The following OTUD7B variants were observed in gnomAD, a reference collection of about 807,000 sequenced individuals.
OTUD7B encodes OTU domain-containing protein 7B.
A neutral mutation model predicts 82.2 loss-of-function variants in OTUD7B; 34 were observed. The observed-to-expected ratio is 0.41, with a 90% CI of 0.31 to 0.55. OTUD7B has a LOEUF of 0.55. Among genes scored for constraint, OTUD7B ranks in the 20% least tolerant of loss-of-function variants. OTUD7B has a pLI of 0.20. For synonymous variants in OTUD7B, 398 were observed against 402.7 expected (o/e 0.99, Z 0.14); for missense variants, 944 against 1,062.1 (o/e 0.89, Z 1.55).
At chr1:149,947,991 AT>A (rs1394106399) in intron 10 of OTUD7B, among the ~76,000 whole-genome samples, 1 of 152,016 alleles carries the variant, frequency 6.6e-6, no homozygotes, top group Non-Finnish European at 1.5e-5. Context: ...TTATTTATTT[AT>A]TTTTTGGATG....
intron 6 of OTUD7B, chr1:149,961,494 C>G (rs1649158241): frequency 6.6e-6 from 1 of 152,422 alleles, no homozygotes; most frequent in Non-Finnish European, 1.5e-5. Flanking sequence ...GTAGCTGGGA[C>G]TACACGTGCA....
the OTUD7B span, among the ~76,000 whole-genome samples, chr1:150,038,745 G>A: frequency 1.3e-5 from 2 of 151,970 alleles, no homozygotes; most frequent in East Asian, 3.8e-4. Context: ...TAAAATTATG[G>A]CACTTCATGA....
intron 3 of OTUD7B, among the ~76,000 whole-genome samples, chr1:149,968,674 C>G (rs1335568946): frequency 6.6e-6 from 1 of 152,128 alleles, no homozygotes; most frequent in Non-Finnish European, 1.5e-5. Flanking sequence ...CTAAAGTTAT[C>G]TTATAGTGAT....
rs1553776874 is a variant in OTUD7B at position 149,967,472 on chromosome 1, G to T, written c.324C>A (p.Ser108=). The part of the protein sequence containing the change: ...GISHASSSIV[S]LARSHVSSNG... ...TGGAGGAGACATGGGACCGGGCCAG[G>T]GAAACAATGCTGGAGCTGGCGTGGG... Residue 108 remains serine (S), a synonymous_variant, in exon 4 of 12, where the codon TCC becomes TCA. Coordinates refer to ENST00000581312, the MANE Select transcript of OTUD7B (RefSeq NM_020205.4). 1 of 1,613,714 alleles carries T rather than the reference G, an allele frequency of 6.2e-7. No individual in the cohort carries two copies. Among genetic ancestry groups the T allele is most frequent in the Admixed American group, 1.7e-5 (1 of 59,970 alleles).
the OTUD7B span, among the ~76,000 whole-genome samples, chr1:150,016,456 T>C: frequency 1.4e-5 from 2 of 147,236 alleles, no homozygotes; most frequent in South Asian, 2.2e-4. Flanking sequence ...CTTTTTCTTT[T>C]TTTTTTTTTT....
chr1:150,008,255 T>C (rs1652795604), intron 1 of OTUD7B, among the ~76,000 whole-genome samples: 1 of 152,042 alleles, frequency 6.6e-6, no homozygotes, highest in Admixed American at 6.6e-5. Context: ...ATAAATAGAA[T>C]TTACCCAGAT....
intron 2 of OTUD7B, among the ~76,000 whole-genome samples, chr1:149,976,662 GAT>G (rs1231304182): frequency 5.9e-5 from 8 of 134,738 alleles, no homozygotes; most frequent in Non-Finnish European, 9.6e-5. Flanking sequence ...TGTGTATAAA[GAT>G]ATAAGTAAAC....
intron 1 of OTUD7B, among the ~76,000 whole-genome samples, chr1:149,987,959 A>T (rs940256409): frequency 7.2e-5 from 11 of 152,114 alleles, no homozygotes; most frequent in African/African-American, 2.7e-4. Context: ...CTGGAATCCC[A>T]ATGTCTTAAT....
At chr1:149,948,490 G>A (rs1001547788) in intron 10 of OTUD7B, among the ~76,000 whole-genome samples, 1 of 150,398 alleles carries the variant, frequency 6.6e-6, no homozygotes, top group Admixed American at 6.7e-5. Context: ...TCCTGCCTCA[G>A]CCTCCCTAGT....
At chr1:149,958,630 A>G (rs1327961519) in intron 7 of OTUD7B, among the ~76,000 whole-genome samples, 4 of 152,040 alleles carry the variant, frequency 2.6e-5, no homozygotes, top group Non-Finnish European at 5.9e-5. Context: ...ACCTTTTTAA[A>G]CAACCACTAT....
At chr1:150,026,219 C>T in the OTUD7B span, among the ~76,000 whole-genome samples, 1 of 152,148 alleles carries the variant, frequency 6.6e-6, no homozygotes, top group Non-Finnish European at 1.5e-5. Context: ...AGAACATGAT[C>T]ACACTCAGCT....
At chr1:150,016,247 C>T in the OTUD7B span, among the ~76,000 whole-genome samples, 1 of 152,238 alleles carries the variant, frequency 6.6e-6, no homozygotes, top group African/African-American at 2.4e-5. Flanking sequence ...ACCTCAGTGT[C>T]AATGGATAAA....
At chr1:150,061,858 G>A in the OTUD7B span, among the ~76,000 whole-genome samples, 1 of 152,160 alleles carries the variant, frequency 6.6e-6, no homozygotes, top group African/African-American at 2.4e-5. Context: ...AACCACACTT[G>A]ATGCAATTGC....
chr1:149,975,313 T>G (rs1650232172), intron 2 of OTUD7B, among the ~76,000 whole-genome samples: 1 of 152,224 alleles, frequency 6.6e-6, no homozygotes, highest in Non-Finnish European at 1.5e-5. Flanking sequence ...TGTATGTGTG[T>G]GTGCACACAT....
At chr1:149,994,663 C>T (rs1307683038) in intron 1 of OTUD7B, among the ~76,000 whole-genome samples, 1 of 150,714 alleles carries the variant, frequency 6.6e-6, no homozygotes, top group African/African-American at 2.4e-5. Context: ...CAGGCTGGAG[C>T]GCAGTGGCAC....
At chr1:149,977,292 A>G (rs1650389350) in intron 2 of OTUD7B, 134 bp downstream of exon 2, 3 of 646,212 alleles carry the variant, frequency 4.6e-6, no homozygotes, top group South Asian at 4.0e-5. Flanking sequence ...TACACAAAGT[A>G]TATCATTAGA....
chr1:149,970,989 AGACTTT>A, intron 3 of OTUD7B, 68 bp downstream of exon 3: 1 of 1,325,372 alleles, frequency 7.5e-7, no homozygotes, highest in East Asian at 2.4e-5. Flanking sequence ...ATGGATCACT[AGACTTT>A]ATGACTCCAT....
intron 7 of OTUD7B, among the ~76,000 whole-genome samples, chr1:149,954,540 A>T (rs1339073607): frequency 2.0e-5 from 3 of 152,144 alleles, no homozygotes; most frequent in African/African-American, 7.2e-5. Flanking sequence ...AGGCTTTGGT[A>T]TCAGGATGAT....
chr1:149,959,824 G>A lies in OTUD7B; in HGVS notation c.733-28C>T, dbSNP rs782733874. 6.1e-6 allele frequency: 9 copies of A among 1,481,224 alleles called. No individual in the cohort carries two copies. In the Admixed American group the frequency reaches 6.7e-5, roughly 11 times the overall value. 91.8% of individuals were successfully genotyped at this position (1,481,224 alleles called of 1,614,324 possible). On this transcript the variant is annotated intron_variant, in intron 6 of 11. Transcript: ENST00000581312. Reference sequence around the variant, plus strand: ...GTGTGAAGGACAGGCAGGGGACATTGGGCAATTAGAGGCTGGGTTCTAAGA... The same window carrying A: ...GTGTGAAGGACAGGCAGGGGACATTAGGCAATTAGAGGCTGGGTTCTAAGA...
Sources: gnomAD v4.1 joint callset for allele counts (sites outside exome capture counted in the v4.1 genomes callset) on GRCh38, gnomAD v4.1.1 for gene constraint, MANE v1.5 for transcripts, NCBI Gene and HGNC (gene_info 2026-07-23, HGNC 2026-07-21) for gene names.